Variants in GCLM observed in about 807,000 individuals in gnomAD.
GCLM encodes glutamate-cysteine ligase modifier subunit, also known as glutamate--cysteine ligase regulatory subunit.
In GCLM, 15 loss-of-function variants were observed where a neutral mutation model predicts 36.0. The observed-to-expected ratio is 0.42, with a 90% CI of 0.28 to 0.64. GCLM has a LOEUF of 0.64. GCLM is among the 30% of genes least tolerant of loss of function. The pLI, the probability that GCLM is intolerant of heterozygous loss-of-function variation, is 0.25. For synonymous variants in GCLM, 129 were observed against 122.8 expected (o/e 1.05, Z -0.34); for missense variants, 242 against 325.5 (o/e 0.74, Z 1.97).
At position 93,896,633 on chromosome 1, in the gene GCLM, C is replaced by G. The variant is rs200732106; in HGVS notation, c.525G>C (p.Leu175=). ...CATCCCTCACCTGTGCCCACTGATA[C>G]AGCTGTTCCAACTGTGTTTTGTCTA... The part of the protein sequence containing the change: ...SDLDKTQLEQ[L]YQWAQVKPNS... The change falls in exon 5 of 7, where the codon CTG becomes CTC. Residue 175 remains leucine, a synonymous_variant. Transcript: ENST00000370238. 3 of 1,613,864 alleles carry G rather than the reference C, an allele frequency of 1.9e-6. No individual in the cohort carries two copies. In the East Asian group the frequency reaches 6.7e-5, roughly 36 times the overall value.
Position 93,909,105 on chromosome 1 carries a change from A to C in GCLM, c.59T>G (p.Leu20Arg). Residue 20 changes from leucine to arginine, a missense_variant, in exon 1 of 7, where the codon CTG (leucine) becomes CGG (arginine). By Grantham distance (102) the Leu-to-Arg change is moderately radical (BLOSUM62 -2). Transcript: ENST00000370238. Reference sequence around the variant, plus strand: ...CCAGTTCAGCAGGTTCCCCGTCTGCAGGTGCAGGGTGCGGGCCCGCGCCAG... The same window carrying C: ...CCAGTTCAGCAGGTTCCCCGTCTGCCGGTGCAGGGTGCGGGCCCGCGCCAG... ...ALLARARTLHLQTGNLLNWGR... is the reference protein window; with the variant it reads ...ALLARARTLHRQTGNLLNWGR... 2 of 1,471,254 alleles carry C rather than the reference A, an allele frequency of 1.4e-6. No homozygotes were observed. Among genetic ancestry groups the C allele is most frequent in the Non-Finnish European group, 1.8e-6 (2 of 1,116,252 alleles). The allele number at this position is 1,471,254 out of a possible 1,614,324, so 91.1% of individuals were successfully genotyped here.
chr1:93,905,990 C>T (rs1657134167), intron 1 of GCLM, among the ~76,000 whole-genome samples: 1 of 152,180 alleles, frequency 6.6e-6, no homozygotes, highest in South Asian at 2.1e-4. Context: ...AGGCAAGCCC[C>T]TGAATTGCAA....
In GCLM at chr1:93,889,119, T is replaced by C. The variant is rs113803167; in HGVS notation, c.696A>G (p.Glu232=). 2 of 1,592,938 alleles carry C rather than the reference T, an allele frequency of 1.3e-6. No homozygotes were observed. Among genetic ancestry groups the C allele is most frequent in the Non-Finnish European group, 1.7e-6 (2 of 1,170,636 alleles). ...CGTGCGCTTGAATGTCAGGAATGCT[T>C]TCCTGAAGAGCTTCTTGGAAACTTG... is the stretch of plus-strand genomic sequence containing the variant. ...SEASFQEALQ[E]SIPDIQAHEW... is the part of the protein sequence containing the mutation. Residue 232 remains glutamate (E), a synonymous_variant, in exon 7 of 7, where the codon GAA becomes GAG. Coordinates refer to ENST00000370238, the MANE Select transcript of GCLM (RefSeq NM_002061.4).
intron 6 of GCLM, among the ~76,000 whole-genome samples, chr1:93,893,076 A>T (rs1656593706): frequency 6.6e-6 from 1 of 152,220 alleles, no homozygotes; most frequent in African/African-American, 2.4e-5. Context: ...TTATTCTGGT[A>T]TGATTTAAAT....
intron 2 of GCLM, among the ~76,000 whole-genome samples, chr1:93,902,882 A>G (rs1657014235): frequency 6.6e-6 from 1 of 152,092 alleles, no homozygotes; most frequent in Non-Finnish European, 1.5e-5. Flanking sequence ...TTACTAGACT[A>G]GCAAAACTAT....
Position 93,892,845 on chromosome 1 carries a change from C to T in GCLM, c.655+1769G>A, listed in dbSNP as rs552514484. On this transcript the variant is annotated intron_variant, in intron 6 of 6. Transcript: ENST00000370238. The stretch of plus-strand genomic sequence containing the variant: ...TTTCAAGTGAAGCTAGAAGAGGGTA[C>T]AGGCTGGATCATCAGCTGTTGGTAA... Among the ~76,000 whole-genome samples, 8 of 152,092 alleles carry T rather than the reference C, an allele frequency of 5.3e-5. No individual in the cohort carries two copies. In the South Asian group the frequency reaches 1.7e-3, roughly 32 times the overall value.
intron 3 of GCLM, 28 bp from the exon 4 acceptor site, chr1:93,897,926 T>A (rs1553180407): frequency 7.5e-7 from 1 of 1,333,822 alleles, no homozygotes; most frequent in Admixed American, 2.5e-5. Context: ...CAAAACTGAT[T>A]ACTACATTTG....
intron 6 of GCLM, among the ~76,000 whole-genome samples, chr1:93,891,430 T>C (rs1656531905): frequency 6.6e-6 from 1 of 152,186 alleles, no homozygotes; most frequent in South Asian, 2.1e-4. Flanking sequence ...ATTCCCTTAG[T>C]AGAGAGGCCT....
intron 1 of GCLM, among the ~76,000 whole-genome samples, chr1:93,906,652 A>G (rs2100929383): frequency 6.6e-6 from 1 of 152,336 alleles, no homozygotes; most frequent in Non-Finnish European, 1.5e-5. Context: ...AATTATTTTT[A>G]ATCTTGTAAA....
At chr1:93,897,803 T>C (rs370118903) in intron 4 of GCLM, 36 bp downstream of exon 4, 2 of 1,125,518 alleles carry the variant, frequency 1.8e-6, no homozygotes, top group Non-Finnish European at 2.6e-6. Context: ...TAATTTAAAG[T>C]CCACTATTAA....
chr1:93,902,508 T>C (rs1656996455), intron 2 of GCLM, among the ~76,000 whole-genome samples: 1 of 151,912 alleles, frequency 6.6e-6, no homozygotes, highest in East Asian at 1.9e-4. Context: ...TACTTTTTTT[T>C]TAGAGCAGTT....
intron 6 of GCLM, among the ~76,000 whole-genome samples, chr1:93,889,736 T>G (rs927732639): frequency 6.6e-6 from 1 of 151,842 alleles, no homozygotes; most frequent in Non-Finnish European, 1.5e-5. Context: ...ATTGTGAATA[T>G]TTTCCCATGT....
At chr1:93,908,389 ATG>A (rs753358434) in intron 1 of GCLM, among the ~76,000 whole-genome samples, 3 of 145,926 alleles carry the variant, frequency 2.1e-5, no homozygotes, top group African/African-American at 5.0e-5. Flanking sequence ...TATGGGGCAC[ATG>A]TGATATTCTG....
rs906787228 is a variant in GCLM at position 93,888,873 on chromosome 1, A to G, written c.*117T>C. The G allele has an allele frequency of 1.5e-6, 1 of 645,282 alleles. No homozygotes were observed. Among genetic ancestry groups the G allele is most frequent in the East Asian group, 2.9e-5 (1 of 34,374 alleles). 40.0% of individuals were successfully genotyped at this position (645,282 alleles called of 1,614,324 possible). A position where few individuals can be genotyped will look rare whatever the true frequency, so the allele number is the denominator to read the frequency against. On this transcript the variant is annotated 3_prime_UTR_variant, in exon 7 of 7. Coordinates refer to ENST00000370238, the MANE Select transcript of GCLM (RefSeq NM_002061.4). ...CTTGACAGACAACATACTGTCAAAT[A>G]TGACGAAAGAATATCTGCCTCAATG...
intron 6 of GCLM, among the ~76,000 whole-genome samples, chr1:93,892,102 C>T (rs1656556616): frequency 6.6e-6 from 1 of 151,942 alleles, no homozygotes; most frequent in Non-Finnish European, 1.5e-5. Flanking sequence ...AGACATAATA[C>T]AGATTGGATT....
intron 3 of GCLM, among the ~76,000 whole-genome samples, chr1:93,898,343 C>A (rs911684131): frequency 9.3e-5 from 12 of 129,144 alleles, no homozygotes; most frequent in Non-Finnish European, 1.8e-4. Flanking sequence ...CACAATTCTA[C>A]CTTCCCAATA....
Position 93,891,026 on chromosome 1 carries a change from G to A in GCLM, c.656-1867C>T, listed in dbSNP as rs1316456429. ...TGAGTAGCTAGGACTAGAGGTGTGC[G>A]TCACCAAGGCCAGCTAATTTAATTA... On this transcript the variant is annotated intron_variant, in intron 6 of 6. Coordinates refer to ENST00000370238, the MANE Select transcript of GCLM (RefSeq NM_002061.4). Among the ~76,000 whole-genome samples the A allele has an allele frequency of 2.6e-5, 4 of 151,820 alleles. 1 individual carries two copies. Among genetic ancestry groups the A allele is most frequent in the South Asian group, 4.2e-4 (2 of 4,814 alleles).
intron 6 of GCLM, among the ~76,000 whole-genome samples, chr1:93,892,890 C>T (rs1656586213): frequency 6.6e-6 from 1 of 151,836 alleles, no homozygotes; most frequent in African/African-American, 2.4e-5. Flanking sequence ...TTAGAAGAGC[C>T]TCCAAAAAGT....
chr1:93,894,803 A>C (rs923374222), intron 5 of GCLM, 75 bp from the exon 6 acceptor site: 207 of 714,566 alleles, frequency 2.9e-4, no homozygotes, highest in Non-Finnish European at 7.3e-5. Context: ...AATAAGCAAT[A>C]AAATAACTTA....
Sources: gnomAD v4.1 joint callset for allele counts (sites outside exome capture counted in the v4.1 genomes callset) on GRCh38, gnomAD v4.1.1 for gene constraint, MANE v1.5 for transcripts, NCBI Gene and HGNC (gene_info 2026-07-23, HGNC 2026-07-21) for gene names.